The following GRIP1 variants were observed in gnomAD, a reference collection of about 807,000 sequenced individuals.
GRIP1 encodes glutamate receptor interacting protein 1.
A neutral mutation model predicts 129.9 loss-of-function variants in GRIP1; 45 were observed. The observed-to-expected ratio is 0.35, with a 90% CI of 0.27 to 0.44. The LOEUF (loss-of-function observed/expected upper bound fraction) is 0.44, where lower values mean the gene tolerates loss of function less well. Among genes scored for constraint, GRIP1 ranks in the 20% least tolerant of loss-of-function variants. GRIP1 has a pLI of 1.00. For synonymous variants in GRIP1, 530 were observed against 520.8 expected (o/e 1.02, Z -0.24); for missense variants, 1,196 against 1,396.8 (o/e 0.86, Z 2.29).
chr12:66,566,480 G>A (rs560552320), intron 2 of GRIP1, among the ~76,000 whole-genome samples: 30 of 152,248 alleles, frequency 2.0e-4, no homozygotes, highest in Admixed American at 4.6e-4. Context: ...CCACTTGACC[G>A]TGGTGGATAA....
chr12:66,735,107 C>T (rs572665738), intron 1 of GRIP1, among the ~76,000 whole-genome samples: 2 of 152,260 alleles, frequency 1.3e-5, no homozygotes, highest in African/African-American at 4.8e-5. Context: ...TGCTCAAATG[C>T]TTGTCCTCAC....
intron 5 of GRIP1, among the ~76,000 whole-genome samples, chr12:66,529,202 C>G (rs2061364514): frequency 6.6e-6 from 1 of 152,180 alleles, no homozygotes; most frequent in Non-Finnish European, 1.5e-5. Context: ...GGAATGTAAA[C>G]TAGTACAACC....
intron 15 of GRIP1, among the ~76,000 whole-genome samples, chr12:66,412,847 C>G (rs919968088): frequency 1.3e-5 from 2 of 151,994 alleles, no homozygotes; most frequent in African/African-American, 4.8e-5. Flanking sequence ...TAATTTCTGA[C>G]AAAAGATACT....
rs1261769123 is a variant in GRIP1, at chr12:66,694,651, G to A, written c.-419-64315C>T. On this transcript the variant is annotated intron_variant, in intron 1 of 4. Transcript: ENST00000538373. ...TATTTAGCATAGTGCGTGATAAACA[G>A]TAATACTATTATTGATATTGCTGGT... 2.6e-5 allele frequency among the ~76,000 whole-genome samples: 4 copies of A among 152,174 alleles called. No homozygotes were observed. The East Asian group carries it at 7.7e-4, about 29-fold the overall frequency.
chr12:66,878,509 G>C (rs1465430463), intron 1 of GRIP1, among the ~76,000 whole-genome samples: 1 of 152,042 alleles, frequency 6.6e-6, no homozygotes, highest in Non-Finnish European at 1.5e-5. Flanking sequence ...TGTTAGGGTG[G>C]AGAAGGGAGA....
intron 1 of GRIP1, among the ~76,000 whole-genome samples, chr12:66,902,802 T>C (rs2040864332): frequency 3.3e-5 from 5 of 152,202 alleles, no homozygotes. Context: ...TCGAATGAAA[T>C]ATAAAGACCC....
chr12:66,388,037 C>T (rs1306995498), intron 19 of GRIP1, among the ~76,000 whole-genome samples: 4 of 150,202 alleles, frequency 2.7e-5, no homozygotes, highest in African/African-American at 9.8e-5. Flanking sequence ...TTAAAAGGAA[C>T]TGAATGAAAG....
intron 1 of GRIP1, among the ~76,000 whole-genome samples, chr12:66,676,671 G>A (rs1038791734): frequency 1.3e-5 from 2 of 152,166 alleles, no homozygotes; most frequent in African/African-American, 2.4e-5. Flanking sequence ...TGTATGTTTG[G>A]GAGTTGAGGG....
chr12:66,403,095 G>C (rs563714338), intron 16 of GRIP1, among the ~76,000 whole-genome samples: 42 of 152,224 alleles, frequency 2.8e-4, no homozygotes, highest in African/African-American at 9.6e-4. Context: ...CAGCTCAAAT[G>C]TGGTAGAGCT....
At chr12:66,540,892 G>T in intron 3 of GRIP1, among the ~76,000 whole-genome samples, 1 of 152,240 alleles carries the variant, frequency 6.6e-6, no homozygotes, top group Non-Finnish European at 1.5e-5. Context: ...CCTCCTGGGC[G>T]GATTCAAGTG....
intron 1 of GRIP1, among the ~76,000 whole-genome samples, chr12:66,785,031 T>A (rs2038277450): frequency 6.6e-6 from 1 of 152,080 alleles, no homozygotes; most frequent in African/African-American, 2.4e-5. Context: ...TGAAAGCTGA[T>A]TTTTAAATCA....
chr12:66,746,908 G>A lies in GRIP1; in HGVS notation c.-420+57145C>T, dbSNP rs140822670. 1.9e-4 allele frequency among the ~76,000 whole-genome samples: 29 copies of A among 152,262 alleles called. 1 individual carries two copies. The East Asian group carries it at 5.2e-3, about 27-fold the overall frequency. ...TATCTATTGTCCCTGCCCACTGCAG[G>A]CCACTGCTAGCAGAACAATAAATTG... On this transcript the variant is annotated intron_variant, in intron 1 of 4. Transcript: ENST00000538373.
intron 1 of GRIP1, among the ~76,000 whole-genome samples, chr12:66,618,428 A>T (rs2065133716): frequency 6.6e-6 from 1 of 152,132 alleles, no homozygotes; most frequent in African/African-American, 2.4e-5. Flanking sequence ...GGTGGGGGAT[A>T]TGGAGGAGAG....
At chr12:66,559,809 T>C (rs1206966437) in intron 2 of GRIP1, among the ~76,000 whole-genome samples, 1 of 151,960 alleles carries the variant, frequency 6.6e-6, no homozygotes, top group Non-Finnish European at 1.5e-5. Flanking sequence ...TTCACAGAAA[T>C]AGAAAAAACA....
rs11300344 is a variant in GRIP1 at position 67,060,824 on chromosome 12, CAAAAAAAA to C, written c.58+8218_58+8225del. On this transcript the variant is annotated intron_variant, in intron 1 of 1. Transcript: ENST00000643019. The stretch of plus-strand genomic sequence containing the variant: ...GGGCAACAAGAACGAAACTCCGTCT[CAAAAAAAA>C]AAAAAAAAAAAAATGTGTTGGCAGT... Among the ~76,000 whole-genome samples the C allele has an allele frequency of 5.0e-4, 52 of 104,756 alleles. 1 individual carries two copies. Among genetic ancestry groups the C allele is most frequent in the Middle Eastern group, 4.8e-3 (1 of 210 alleles). 68.7% of individuals were successfully genotyped at this position (104,756 alleles called of 152,430 possible). A position where few individuals can be genotyped will look rare whatever the true frequency, so the allele number is the denominator to read the frequency against.
chr12:66,959,560 A>G (rs754376481), intron 1 of GRIP1, among the ~76,000 whole-genome samples: 5 of 152,194 alleles, frequency 3.3e-5, no homozygotes, highest in Non-Finnish European at 5.9e-5. Context: ...TTTATGATAC[A>G]GTACATTTTC....
chr12:66,350,898 TCAAG>T (rs2054193244), intron 24 of GRIP1, among the ~76,000 whole-genome samples: 1 of 152,202 alleles, frequency 6.6e-6, no homozygotes, highest in Non-Finnish European at 1.5e-5. Flanking sequence ...AGCATAAAGT[TCAAG>T]AGCTTTACCA....
At position 66,384,958 on chromosome 12, in the gene GRIP1, A is replaced by G. The variant is rs540845863; in HGVS notation, c.2465-5522T>C. ...GGAATATCTGAGGAAAATTATGTTT[A>G]GGTAAAAGGCAAACCTGTTGCCATT... is the stretch of plus-strand genomic sequence containing the variant. On this transcript the variant is annotated intron_variant, in intron 19 of 24. Transcript: ENST00000359742. Among the ~76,000 whole-genome samples the G allele has an allele frequency of 4.6e-5, 7 of 152,380 alleles. No individual in the cohort carries two copies. The East Asian group carries it at 1.2e-3, about 25-fold the overall frequency.
intron 2 of GRIP1, among the ~76,000 whole-genome samples, chr12:66,572,743 A>G (rs554136232): frequency 6.6e-6 from 1 of 152,170 alleles, no homozygotes. Context: ...GAATACCCCC[A>G]GTGTGAGAAA....
Sources: gnomAD v4.1 joint callset for allele counts (sites outside exome capture counted in the v4.1 genomes callset) on GRCh38, gnomAD v4.1.1 for gene constraint, MANE v1.5 for transcripts, NCBI Gene and HGNC (gene_info 2026-07-23, HGNC 2026-07-21) for gene names.